SLC9A7: variants seen among roughly 807,000 people sequenced by gnomAD.
The protein encoded by SLC9A7 is solute carrier family 9 member A7, also known as sodium/hydrogen exchanger 7.
Under a neutral mutation model 52.6 loss-of-function variants are expected in SLC9A7, and 19 were observed. That is an observed-to-expected ratio of 0.36 (90% CI 0.25 to 0.53). SLC9A7 has a LOEUF of 0.53. SLC9A7 is among the 20% of genes least tolerant of loss of function. The pLI is 0.91. For synonymous variants in SLC9A7, 226 were observed against 252.1 expected, an observed-to-expected ratio of 0.90 and a Z score of 0.98; for missense variants, 455 against 597.9, an observed-to-expected ratio of 0.76 and a Z score of 2.49.
In SLC9A7 at chrX:46,638,665, G is replaced by A. The variant is rs1214705397; in HGVS notation, c.1617-3017C>T. On this transcript the variant is annotated intron_variant, in intron 12 of 16. Coordinates refer to ENST00000616978, the MANE Select transcript of SLC9A7 (RefSeq NM_001257291.2). The stretch of plus-strand genomic sequence containing the variant: ...CAAATTACCACAACTTACCCAATAT[G>A]AAATAGGTCATCTGAAAAGCCCTAT... Among the ~76,000 whole-genome samples, 8 of 111,913 alleles carry A rather than the reference G, an allele frequency of 7.1e-5. 1 individual carries two copies. Among genetic ancestry groups the A allele is most frequent in the African/African-American group, 2.3e-4 (7 of 30,779 alleles).
At chrX:46,649,234 A>T (rs1239906172) in intron 10 of SLC9A7, among the ~76,000 whole-genome samples, 2 of 111,978 alleles carry the variant, frequency 1.8e-5, no homozygotes, top group Admixed American at 1.9e-4. Flanking sequence ...ACAATTGCTA[A>T]TCCTGCAGTC....
intron 8 of SLC9A7, 61 bp from the exon 9 acceptor site, chrX:46,651,465 A>G (rs1487516276): frequency 7.4e-6 from 7 of 943,833 alleles, no homozygotes; most frequent in Admixed American, 2.5e-5. Context: ...GAAAAAAAAA[A>G]CCCTGCTAGA....
intron 11 of SLC9A7, among the ~76,000 whole-genome samples, chrX:46,646,171 C>T (rs1943489266): frequency 9.0e-6 from 1 of 110,503 alleles, no homozygotes; most frequent in East Asian, 2.8e-4. Flanking sequence ...CAGGTAGTAG[C>T]CTGACTACAG....
intron 11 of SLC9A7, chrX:46,647,240 G>A (rs961071258): frequency 3.1e-4 from 60 of 195,469 alleles, no homozygotes; most frequent in Non-Finnish European, 1.0e-4. Flanking sequence ...GTGGCTCCCG[G>A]GCTCAGGGCG....
At chrX:46,743,867 T>C (rs1242273040) in intron 1 of SLC9A7, among the ~76,000 whole-genome samples, 1 of 111,789 alleles carries the variant, frequency 8.9e-6, no homozygotes, top group Non-Finnish European at 1.9e-5. Flanking sequence ...GGTACGAACA[T>C]CTGCACCAAG....
intron 7 of SLC9A7, among the ~76,000 whole-genome samples, 195 bp from the exon 8 acceptor site, chrX:46,653,909 T>C (rs1018314869): frequency 2.7e-5 from 3 of 109,890 alleles, no homozygotes; most frequent in Non-Finnish European, 5.7e-5. Context: ...ACAAGTTTTG[T>C]AGGGGCTGGA....
intron 1 of SLC9A7, among the ~76,000 whole-genome samples, chrX:46,687,993 T>C (rs1944322355): frequency 1.8e-5 from 2 of 112,574 alleles, no homozygotes; most frequent in Admixed American, 9.4e-5. Context: ...TTATCTATGT[T>C]GGAGGCATGT....
At chrX:46,722,378 T>G (rs1944874561) in intron 1 of SLC9A7, among the ~76,000 whole-genome samples, 1 of 112,076 alleles carries the variant, frequency 8.9e-6, no homozygotes, top group Non-Finnish European at 1.9e-5. Flanking sequence ...ACTTTGTTTC[T>G]GTGACAATGT....
At chrX:46,636,215 T>C (rs773050971) in intron 12 of SLC9A7, among the ~76,000 whole-genome samples, 3 of 111,734 alleles carry the variant, frequency 2.7e-5, no homozygotes, top group African/African-American at 9.8e-5. Flanking sequence ...CTATTCTCTT[T>C]AGCTTGTAGC....
At chrX:46,700,771 C>T (rs983618326) in intron 1 of SLC9A7, among the ~76,000 whole-genome samples, 2 of 112,233 alleles carry the variant, frequency 1.8e-5, no homozygotes, top group African/African-American at 6.5e-5. Flanking sequence ...CATAGCTTCT[C>T]TAGACCATCA....
At position 46,758,880 on chromosome X, in the gene SLC9A7, G is replaced by A. The variant is rs782035660; in HGVS notation, c.150C>T (p.Asp50=). The A allele has an allele frequency of 6.7e-6, 8 of 1,189,292 alleles. No individual in the cohort carries two copies. In the Admixed American group the frequency reaches 1.8e-4, roughly 27 times the overall value. ...SASSSGAAAE[D]SSAMEELATE... ...TAGCGAGCTCCTCCATGGCGCTGCT[G>A]TCCTCCGCCGCCGCCCCAGAGGAGG... Residue 50 remains aspartate, a synonymous_variant, in exon 1 of 17, where the codon GAC becomes GAT. Transcript: ENST00000616978.
chrX:46,738,776 A>T, intron 1 of SLC9A7, among the ~76,000 whole-genome samples: 1 of 109,707 alleles, frequency 9.1e-6, no homozygotes, highest in East Asian at 2.8e-4. Context: ...TCTCAAAAAA[A>T]AAAAACAAAA....
chrX:46,641,130 C>T (rs998320311), intron 12 of SLC9A7, among the ~76,000 whole-genome samples: 2 of 112,482 alleles, frequency 1.8e-5, no homozygotes, highest in Non-Finnish European at 3.8e-5. Context: ...TTGAAACTAT[C>T]CAAATGTCCT....
chrX:46,667,491 C>G, intron 5 of SLC9A7, among the ~76,000 whole-genome samples: 1 of 110,990 alleles, frequency 9.0e-6, no homozygotes, highest in Middle Eastern at 4.7e-3. Flanking sequence ...ATTTAAATTA[C>G]TTAACATTAA....
intron 1 of SLC9A7, among the ~76,000 whole-genome samples, chrX:46,701,688 T>C (rs1453125564): frequency 8.9e-6 from 1 of 111,930 alleles, no homozygotes; most frequent in Non-Finnish European, 1.9e-5. Context: ...TATACCATAA[T>C]TGGGAAGGAA....
chrX:46,689,591 CCT>C lies in SLC9A7; in HGVS notation c.326-7058_326-7057del, dbSNP rs755104583. 1.1e-3 allele frequency among the ~76,000 whole-genome samples: 28 copies of C among 25,045 alleles called. 1 individual carries two copies. The highest frequency in any genetic ancestry group is 4.4e-4 in the African/African-American group (1 of 2,260). The allele number at this position is 25,045 out of a possible 115,157, so 21.7% of individuals were successfully genotyped here. A position where few individuals can be genotyped will look rare whatever the true frequency, so the allele number is the denominator to read the frequency against. On this transcript the variant is annotated intron_variant, in intron 1 of 16. Transcript: ENST00000616978. ...CAAGCCATTTCTCAAAGTAATTATGCCTTTTTTTTTTTTCAGTTCTTTTTTTT... is the reference window on the plus strand; with the variant it reads ...CAAGCCATTTCTCAAAGTAATTATGCTTTTTTTTTTTCAGTTCTTTTTTTT...
At chrX:46,620,774 T>C (rs1398110750) in intron 15 of SLC9A7, among the ~76,000 whole-genome samples, 1 of 112,360 alleles carries the variant, frequency 8.9e-6, no homozygotes, top group Non-Finnish European at 1.9e-5. Flanking sequence ...TCTAAGGATA[T>C]GCAAACATTC....
At chrX:46,635,562 T>C (rs1266431244) in intron 13 of SLC9A7, 27 bp downstream of exon 13, 2 of 1,171,265 alleles carry the variant, frequency 1.7e-6, no homozygotes, top group African/African-American at 3.5e-5. Flanking sequence ...GCCCAGTTAA[T>C]TTTTTCTGAG....
rs755300348 is a variant in SLC9A7 at position 46,672,545 on chromosome X, A to T, written c.680+6T>A. ...TAATTTGGTTATATGACAAAGGTTC[A>T]CTTACCCAATAATGAAGCATGAAAC... is the stretch of plus-strand genomic sequence containing the variant. On this transcript the variant is annotated splice_donor_region_variant and intron_variant, in intron 4 of 16. Coordinates refer to ENST00000616978, the MANE Select transcript of SLC9A7 (RefSeq NM_001257291.2). 6 of 1,191,826 alleles carry T rather than the reference A, an allele frequency of 5.0e-6. No homozygotes were observed. Among genetic ancestry groups the T allele is most frequent in the Non-Finnish European group, 5.7e-6 (5 of 879,038 alleles).
Sources: allele counts gnomAD v4.1 joint callset (sites outside exome capture counted in the v4.1 genomes callset), GRCh38; gene constraint gnomAD v4.1.1; transcripts MANE v1.5; gene names NCBI Gene and HGNC (gene_info 2026-07-23, HGNC 2026-07-21).